Variants in ME3 observed in about 807,000 individuals in gnomAD.
The protein encoded by ME3 is malic enzyme 3, also known as NADP-dependent malic enzyme, mitochondrial.
Under a neutral mutation model 68.9 loss-of-function variants are expected in ME3, and 48 were observed. That is an observed-to-expected ratio of 0.70 (90% confidence interval 0.55 to 0.89). The LOEUF is 0.89. Among genes scored for constraint, ME3 ranks in the 40% least tolerant of loss-of-function variants. The pLI is 0.00. For missense variants in ME3, 675 were observed against 797.4 expected (o/e 0.85, Z 1.85); for synonymous variants, 320 against 318.8 (o/e 1.00, Z -0.04).
chr11:86,441,594 T>C (rs1949000347), intron 14 of ME3, among the ~76,000 whole-genome samples, 154 bp from the exon 15 acceptor site: 1 of 152,142 alleles, frequency 6.6e-6, no homozygotes, highest in Non-Finnish European at 1.5e-5. Flanking sequence ...ATAGGAAGGA[T>C]TTTAAGCTTT....
chr11:86,660,535 G>C (rs935173643), intron 2 of ME3, among the ~76,000 whole-genome samples: 70 of 152,314 alleles, frequency 4.6e-4, no homozygotes, highest in African/African-American at 1.5e-3. Context: ...CCCATATCTA[G>C]AGAATGGCAG....
rs142262111 is a variant in ME3 at position 86,625,904 on chromosome 11, A to G, written c.183+45858T>C. 2.9e-3 allele frequency among the ~76,000 whole-genome samples: 449 copies of G among 152,288 alleles called. 2 individuals carry two copies. Among genetic ancestry groups the G allele is most frequent in the African/African-American group, 0.011 (439 of 41,556 alleles). On this transcript the variant is annotated intron_variant, in intron 2 of 14. Transcript: ENST00000543262. Reference sequence around the variant, plus strand: ...CTGTATCGTTACCTGTAAAATGGGGATAATATGAGTATATACCTCCACAGG... The same window carrying G: ...CTGTATCGTTACCTGTAAAATGGGGGTAATATGAGTATATACCTCCACAGG...
chr11:86,441,143 G>T, exon 15 of ME3: 1 of 848,222 alleles, frequency 1.2e-6, no homozygotes, highest in Non-Finnish European at 1.7e-6. Flanking sequence ...GTATGCCTTG[G>T]CATCTCCTCT....
intron 5 of ME3, among the ~76,000 whole-genome samples, chr11:86,506,806 C>T (rs1168677695): frequency 1.3e-5 from 2 of 152,170 alleles, no homozygotes; most frequent in Non-Finnish European, 2.9e-5. Flanking sequence ...TTACAGGACC[C>T]CAGCAGCATA....
chr11:86,616,103 C>T (rs1942939012), intron 2 of ME3, among the ~76,000 whole-genome samples: 1 of 152,198 alleles, frequency 6.6e-6, no homozygotes, highest in South Asian at 2.1e-4. Context: ...TCCTGCTTTT[C>T]CAGTAAATAT....
In ME3 at chr11:86,618,135, C is replaced by T. The variant is rs117345217; in HGVS notation, c.183+53627G>A. ...GCAACATAGCAAAACCCCATCTGTA[C>T]TAAAAATACAAAAAATTTGCTGGGC... On this transcript the variant is annotated intron_variant, in intron 2 of 14. Coordinates refer to ENST00000543262, the Ensembl canonical transcript of ME3. 5.1e-4 allele frequency among the ~76,000 whole-genome samples: 77 copies of T among 151,570 alleles called. 1 individual carries two copies. In the East Asian group the frequency reaches 0.013, roughly 26 times the overall value.
At chr11:86,578,108 AG>A (rs777521363) in intron 2 of ME3, among the ~76,000 whole-genome samples, 4 of 152,198 alleles carry the variant, frequency 2.6e-5, no homozygotes, top group Non-Finnish European at 5.9e-5. Context: ...AAGGGAACAG[AG>A]GTGGATAGTT....
intron 4 of ME3, among the ~76,000 whole-genome samples, chr11:86,540,108 G>C (rs1340823798): frequency 6.6e-6 from 1 of 152,196 alleles, no homozygotes; most frequent in East Asian, 1.9e-4. Flanking sequence ...ATTCATCCTT[G>C]ACTATAAGGA....
chr11:86,504,987 A>T (rs1565872347), intron 5 of ME3, among the ~76,000 whole-genome samples: 1 of 152,214 alleles, frequency 6.6e-6, no homozygotes, highest in East Asian at 1.9e-4. Context: ...CACCATGCAC[A>T]GTCTCACTCC....
chr11:86,624,625 T>C (rs2135284531), intron 2 of ME3, among the ~76,000 whole-genome samples: 1 of 152,336 alleles, frequency 6.6e-6, no homozygotes, highest in East Asian at 1.9e-4. Flanking sequence ...AAATAGCCTA[T>C]GTGGAAAACT....
At position 86,521,428 on chromosome 11, in the gene ME3, C is replaced by CAAAA. The variant is rs1555221566; in HGVS notation, c.468-12565_468-12562dup. ...ACAAACAAAACAAAACAAAACAAAA[C>CAAAA]AAAAATAATAATAATAATAATAATA... On this transcript the variant is annotated intron_variant, in intron 4 of 14. Coordinates refer to ENST00000543262, the Ensembl canonical transcript of ME3. Among the ~76,000 whole-genome samples, 97 of 129,168 alleles carry CAAAA rather than the reference C, an allele frequency of 7.5e-4. 1 individual carries two copies. The highest frequency in any genetic ancestry group is 2.9e-3 in the African/African-American group (93 of 31,782). 84.7% of individuals were successfully genotyped at this position (129,168 alleles called of 152,430 possible).
intron 4 of ME3, among the ~76,000 whole-genome samples, chr11:86,539,414 A>G (rs1955898759): frequency 6.6e-6 from 1 of 152,200 alleles, no homozygotes; most frequent in South Asian, 2.1e-4. Flanking sequence ...GCCACACTTC[A>G]CACATTGGCT....
chr11:86,567,276 A>G (rs948116147), intron 2 of ME3, among the ~76,000 whole-genome samples: 11 of 148,970 alleles, frequency 7.4e-5, no homozygotes, highest in Admixed American at 4.0e-4. Flanking sequence ...GGAAGGAAGG[A>G]AGGGAGGAAA....
chr11:86,524,811 C>T (rs1181055110), intron 4 of ME3, among the ~76,000 whole-genome samples: 1 of 152,132 alleles, frequency 6.6e-6, no homozygotes, highest in Non-Finnish European at 1.5e-5. Flanking sequence ...AGCTAAGTGC[C>T]TGGAATTATA....
chr11:86,643,494 C>T (rs1944798900), intron 2 of ME3, among the ~76,000 whole-genome samples: 1 of 152,086 alleles, frequency 6.6e-6, no homozygotes, highest in South Asian at 2.1e-4. Context: ...CCTTGACACA[C>T]CAAGAAAAAG....
intron 13 of ME3, among the ~76,000 whole-genome samples, chr11:86,445,410 G>A (rs1324335734): frequency 6.6e-6 from 1 of 152,240 alleles, no homozygotes; most frequent in African/African-American, 2.4e-5. Context: ...AGACAGGGCT[G>A]TGTGGAAGCC....
chr11:86,646,221 G>C lies in ME3; in HGVS notation c.183+25541C>G, dbSNP rs941115756. 2.0e-5 allele frequency among the ~76,000 whole-genome samples: 3 copies of C among 152,318 alleles called. No individual in the cohort carries two copies. The South Asian group carries it at 6.2e-4, about 32-fold the overall frequency. ...GAATGAGTTTGAATTGACAGAAGTA[G>C]GCTTCAGAAGGTGGGTAATAACAAA... On this transcript the variant is annotated intron_variant, in intron 2 of 14. Coordinates refer to ENST00000543262, the Ensembl canonical transcript of ME3.
intron 5 of ME3, among the ~76,000 whole-genome samples, chr11:86,499,592 G>C (rs889011512): frequency 6.6e-5 from 10 of 152,124 alleles, no homozygotes; most frequent in African/African-American, 2.4e-4. Flanking sequence ...AAGGGCTACG[G>C]GATCTTCTCA....
intron 7 of ME3, among the ~76,000 whole-genome samples, chr11:86,475,840 C>T (rs965111035): frequency 7.5e-6 from 1 of 133,420 alleles, no homozygotes; most frequent in Non-Finnish European, 1.6e-5. Context: ...AGAAGGCATT[C>T]CTAATATTCA....
Sources: gnomAD v4.1 joint callset for allele counts (sites outside exome capture counted in the v4.1 genomes callset) on GRCh38, gnomAD v4.1.1 for gene constraint, MANE v1.5 for transcripts, NCBI Gene and HGNC (gene_info 2026-07-23, HGNC 2026-07-21) for gene names.